DTNA: variants seen among roughly 807,000 people sequenced by gnomAD.
DTNA encodes dystrophin-related protein 3.
Under a neutral mutation model 100.7 loss-of-function variants are expected in DTNA, and 43 were observed. That is an observed-to-expected ratio of 0.43 (90% CI 0.33 to 0.55). The LOEUF is 0.55. DTNA is among the 20% of genes least tolerant of loss of function. The pLI is 0.04. For synonymous variants in DTNA, 349 were observed against 347.9 expected, an observed-to-expected ratio of 1.00 and a Z score of -0.04; for missense variants, 798 against 953.9, an observed-to-expected ratio of 0.84 and a Z score of 2.15.
At chr18:34,740,416 T>C (rs1388814879) in intron 1 of DTNA, among the ~76,000 whole-genome samples, 1 of 152,196 alleles carries the variant, frequency 6.6e-6, no homozygotes, top group Non-Finnish European at 1.5e-5. Context: ...TTTGCTGTGT[T>C]CTTACCAGGT....
intron 20 of DTNA, among the ~76,000 whole-genome samples, 179 bp from the exon 21 acceptor site, chr18:34,881,890 G>A (rs963956271): frequency 2.0e-5 from 3 of 152,178 alleles, no homozygotes; most frequent in Non-Finnish European, 2.9e-5. Flanking sequence ...ATCATATATC[G>A]CTTCAAACCT....
intron 1 of DTNA, among the ~76,000 whole-genome samples, chr18:34,523,760 T>C (rs1223788719): frequency 6.6e-6 from 1 of 152,206 alleles, no homozygotes; most frequent in African/African-American, 2.4e-5. Context: ...TCTTTTATCA[T>C]ATTAATTTTA....
chr18:34,628,133 A>G (rs2057585136), intron 1 of DTNA, among the ~76,000 whole-genome samples: 1 of 152,118 alleles, frequency 6.6e-6, no homozygotes, highest in African/African-American at 2.4e-5. Context: ...AGAAGACTCA[A>G]GTTATCTACA....
chr18:34,600,636 A>G (rs753463092), intron 1 of DTNA, among the ~76,000 whole-genome samples: 3 of 152,250 alleles, frequency 2.0e-5, no homozygotes, highest in Non-Finnish European at 4.4e-5. Context: ...TTTACTAACC[A>G]AAAGATATTT....
intron 1 of DTNA, among the ~76,000 whole-genome samples, chr18:34,652,001 G>A (rs1176792968): frequency 6.6e-6 from 1 of 152,014 alleles, no homozygotes; most frequent in South Asian, 2.1e-4. Context: ...GGGGGGTCAA[G>A]GCTGCAGTGA....
At chr18:34,687,319 C>A (rs891902650) in intron 1 of DTNA, among the ~76,000 whole-genome samples, 9 of 152,084 alleles carry the variant, frequency 5.9e-5, no homozygotes, top group Non-Finnish European at 8.8e-5. Flanking sequence ...TAGCTGTGTC[C>A]CAGAGATTCT....
intron 4 of DTNA, among the ~76,000 whole-genome samples, chr18:34,804,281 G>T (rs2095303655): frequency 6.6e-6 from 1 of 152,182 alleles, no homozygotes; most frequent in South Asian, 2.1e-4. Flanking sequence ...GAGGAGACTA[G>T]ACGAGACTGC....
chr18:34,793,055 A>T (rs1482240776), intron 3 of DTNA, among the ~76,000 whole-genome samples: 1 of 152,226 alleles, frequency 6.6e-6, no homozygotes, highest in African/African-American at 2.4e-5. Flanking sequence ...TCAGCAATAC[A>T]TGTATGAATT....
intron 1 of DTNA, among the ~76,000 whole-genome samples, chr18:34,703,781 A>G (rs1410641187): frequency 6.6e-6 from 1 of 152,204 alleles, no homozygotes; most frequent in Admixed American, 6.5e-5. Flanking sequence ...TCATTCCAAT[A>G]ATGGAATTCA....
chr18:34,827,987 G>A (rs1467266144), intron 10 of DTNA, among the ~76,000 whole-genome samples: 1 of 152,136 alleles, frequency 6.6e-6, no homozygotes, highest in African/African-American at 2.4e-5. Context: ...CACGTTCATA[G>A]TCCTCAGAGT....
At chr18:34,860,632 C>T (rs944778719) in intron 16 of DTNA, among the ~76,000 whole-genome samples, 2 of 152,174 alleles carry the variant, frequency 1.3e-5, no homozygotes, top group East Asian at 1.9e-4. Flanking sequence ...CACCTGAGCA[C>T]GGCAGAGCTT....
At chr18:34,547,431 A>G (rs987727517) in intron 1 of DTNA, among the ~76,000 whole-genome samples, 2 of 152,092 alleles carry the variant, frequency 1.3e-5, no homozygotes, top group African/African-American at 4.8e-5. Flanking sequence ...GCAACCAGCC[A>G]AGGAATTACT....
At chr18:34,672,162 A>G (rs1255457007) in intron 1 of DTNA, among the ~76,000 whole-genome samples, 1 of 152,194 alleles carries the variant, frequency 6.6e-6, no homozygotes, top group East Asian at 1.9e-4. Context: ...CTTGGAATTA[A>G]TTTCAACATG....
At chr18:34,738,293 C>G (rs909452293) in intron 1 of DTNA, among the ~76,000 whole-genome samples, 5 of 152,160 alleles carry the variant, frequency 3.3e-5, no homozygotes, top group African/African-American at 1.2e-4. Flanking sequence ...CAGAGGCCAT[C>G]AGACACAACA....
chr18:34,555,207 G>A (rs2146049662), intron 1 of DTNA, among the ~76,000 whole-genome samples: 1 of 140,588 alleles, frequency 7.1e-6, no homozygotes, highest in African/African-American at 2.8e-5. Flanking sequence ...TATTTCTGTG[G>A]GATCGGTGGT....
At chr18:34,827,473 GATCCTGGGAA>G in intron 9 of DTNA, 110 bp from the exon 10 acceptor site, 1 of 877,854 alleles carries the variant, frequency 1.1e-6, no homozygotes, top group South Asian at 1.3e-5. Flanking sequence ...ATTTCTTGTT[GATCCTGGGAA>G]AGGTAGAACC....
chr18:34,686,880 A>G (rs1285951551), intron 1 of DTNA, among the ~76,000 whole-genome samples: 1 of 151,998 alleles, frequency 6.6e-6, no homozygotes, highest in Admixed American at 6.6e-5. Flanking sequence ...GGGAGGGTGT[A>G]TGTGTCCAAG....
At chr18:34,600,232 T>A (rs2147163752) in intron 1 of DTNA, among the ~76,000 whole-genome samples, 1 of 152,296 alleles carries the variant, frequency 6.6e-6, no homozygotes, top group South Asian at 2.1e-4. Context: ...ACATATTTAA[T>A]TAAATCTTAA....
chr18:34,841,714 G>A (rs1157364086), intron 13 of DTNA, among the ~76,000 whole-genome samples: 1 of 152,004 alleles, frequency 6.6e-6, no homozygotes, highest in Non-Finnish European at 1.5e-5. Flanking sequence ...TGCTAGTAAG[G>A]GCTTGCAAAC....
Sources: gnomAD v4.1 joint callset for allele counts (sites outside exome capture counted in the v4.1 genomes callset) on GRCh38, gnomAD v4.1.1 for gene constraint, MANE v1.5 for transcripts, NCBI Gene and HGNC (gene_info 2026-07-23, HGNC 2026-07-21) for gene names.